The following HCLS1 variants were observed in gnomAD, a reference collection of about 807,000 sequenced individuals.
The protein encoded by HCLS1 is hematopoietic cell-specific Lyn substrate 1.
A neutral mutation model predicts 68.6 loss-of-function variants in HCLS1; 44 were observed. The observed-to-expected ratio is 0.64, with a 90% CI of 0.50 to 0.82. The LOEUF is 0.82. HCLS1 is among the 40% of genes least tolerant of loss of function. The pLI is 0.00. For missense variants in HCLS1, 602 were observed against 612.1 expected, an observed-to-expected ratio of 0.98 and a Z score of 0.17; for synonymous variants, 217 against 225.8, an observed-to-expected ratio of 0.96 and a Z score of 0.35.
intron 6 of HCLS1, 83 bp downstream of exon 6, chr3:121,642,844 A>T (rs2049213332): frequency 3.7e-6 from 4 of 1,069,734 alleles, no homozygotes; most frequent in Admixed American, 1.7e-5. Context: ...TAAAAAGCTG[A>T]TGACAACTGC....
chr3:121,632,616 A>G (rs1027499011), intron 11 of HCLS1, 53 bp from the exon 12 acceptor site: 13 of 1,532,676 alleles, frequency 8.5e-6, no homozygotes, highest in East Asian at 6.7e-5. Flanking sequence ...GGAGGAATCA[A>G]TGGAGGACTG....
chr3:121,634,517 G>A, intron 9 of HCLS1, 99 bp from the exon 10 acceptor site: 1 of 1,130,078 alleles, frequency 8.8e-7, no homozygotes, highest in South Asian at 1.3e-5. Flanking sequence ...AAATATCCGG[G>A]AGGAGGGATT....
intron 9 of HCLS1, among the ~76,000 whole-genome samples, chr3:121,635,289 C>T (rs2049140618): frequency 6.8e-6 from 1 of 147,370 alleles, no homozygotes; most frequent in South Asian, 2.2e-4. Flanking sequence ...TCTCTCCTCT[C>T]TCTCTCTTTC....
chr3:121,644,736 C>G (rs1009991471), intron 5 of HCLS1, 82 bp downstream of exon 5: 2 of 931,530 alleles, frequency 2.1e-6, no homozygotes, highest in Non-Finnish European at 3.6e-6. Flanking sequence ...AACAAAGAAG[C>G]ATGTGCCTCC....
intron 3 of HCLS1, chr3:121,656,977 C>A: frequency 3.6e-6 from 1 of 281,050 alleles, no homozygotes; most frequent in Non-Finnish European, 6.7e-6. Flanking sequence ...ATGAATCTCT[C>A]ATGCCTTACT....
chr3:121,633,071 G>A lies in HCLS1; in HGVS notation c.1004C>T (p.Pro335Leu), dbSNP rs150723074. 356 of 1,604,734 alleles carry A rather than the reference G, an allele frequency of 2.2e-4. No homozygotes were observed. In the African/African-American group the frequency reaches 3.5e-3, roughly 16 times the overall value. ...VPLLPIRQTL[P>L]EDNEEPPALP... ...AATCTTTGGGGGTTTGCTTACCTCCGGGAGAGTCTGCCTAATGGGCAGCAA... is the reference window on the plus strand; with the variant it reads ...AATCTTTGGGGGTTTGCTTACCTCCAGGAGAGTCTGCCTAATGGGCAGCAA... The change falls in exon 11 of 14, where the codon CCG becomes CTG. Residue 335 changes from proline (P) to leucine (L), a missense_variant. By Grantham distance (98) the Pro-to-Leu change is moderately conservative. Coordinates refer to ENST00000314583, the MANE Select transcript of HCLS1 (RefSeq NM_005335.6).
At position 121,652,988 on chromosome 3, in the gene HCLS1, C is replaced by T. The variant is rs183802688; in HGVS notation, c.158+4291G>A. Among the ~76,000 whole-genome samples the T allele has an allele frequency of 5.3e-5, 8 of 152,298 alleles. No homozygotes were observed. The East Asian group carries it at 1.5e-3, about 29-fold the overall frequency. ...ATTCAAATTACTACAGGTTGACTAT[C>T]CCTCATCCCAAACGCTTGGGACCAG... On this transcript the variant is annotated intron_variant, in intron 3 of 13. Transcript: ENST00000314583.
intron 6 of HCLS1, among the ~76,000 whole-genome samples, chr3:121,639,908 AAAGAT>A (rs1410585945): frequency 6.6e-6 from 1 of 152,226 alleles, no homozygotes; most frequent in Non-Finnish European, 1.5e-5. Flanking sequence ...AAAACATAAT[AAAGAT>A]AAGAGCAGAA....
At chr3:121,645,409 G>A (rs928824680) in intron 4 of HCLS1, among the ~76,000 whole-genome samples, 6 of 152,050 alleles carry the variant, frequency 3.9e-5, no homozygotes, top group African/African-American at 1.2e-4. Context: ...AGTGAACTCT[G>A]AGCTTTATAC....
intron 1 of HCLS1, among the ~76,000 whole-genome samples, chr3:121,660,268 G>A (rs1327476986): frequency 2.0e-5 from 3 of 152,198 alleles, no homozygotes; most frequent in South Asian, 2.1e-4. Flanking sequence ...AGGGGTTAAC[G>A]TAGCTCATCT....
rs1128158 is a variant in HCLS1, at chr3:121,631,746, C to A, written c.*100G>T. The stretch of plus-strand genomic sequence containing the variant: ...GCAGGAGAGGGAAGTCTGTCCAGAA[C>A]CTCATCTGGTTAGACATTTGCAGCA... On this transcript the variant is annotated 3_prime_UTR_variant, in exon 14 of 14. Coordinates refer to ENST00000314583, the MANE Select transcript of HCLS1 (RefSeq NM_005335.6). 0.24 allele frequency: 315,445 copies of A among 1,334,070 alleles called. 38,655 individuals carry two copies. Among genetic ancestry groups the A allele is most frequent in the East Asian group, 0.36 (15,092 of 42,490 alleles). 82.6% of individuals were successfully genotyped at this position (1,334,070 alleles called of 1,614,324 possible).
Position 121,632,338 on chromosome 3 carries a change from G to C in HCLS1, c.1234C>G (p.Leu412Val), listed in dbSNP as rs1002554080. The change falls in exon 12 of 14, where the codon CTG becomes GTG. Residue 412 changes from leucine (L) to valine (V), a missense_variant. Physicochemically the swap from Leu to Val is conservative, Grantham distance 32. Transcript: ENST00000314583. ...EPEDSSFSSA[L>V]AGSSGCPAGA... is the part of the protein sequence containing the mutation. ...TTCTCCTCCCATCACTCACCAGCCAGAGCAGAAGAAAAAGAAGAATCTTCA... is the reference window on the plus strand; with the variant it reads ...TTCTCCTCCCATCACTCACCAGCCACAGCAGAAGAAAAAGAAGAATCTTCA... The C allele has an allele frequency of 6.2e-6, 10 of 1,613,910 alleles. No individual in the cohort carries two copies. In the African/African-American group the frequency reaches 1.1e-4, roughly 17 times the overall value.
chr3:121,634,281 C>G lies in HCLS1; in HGVS notation c.829G>C (p.Glu277Gln). 1.2e-6 allele frequency: 2 copies of G among 1,614,148 alleles called. No homozygotes were observed. Among genetic ancestry groups the G allele is most frequent in the African/African-American group, 2.7e-5 (2 of 75,050 alleles). ...ERKAVTKRSP[E>Q]APQPVIAMEE... is the part of the protein sequence containing the mutation. ...ATAGCTATCACTGGCTGTGGAGCCTCAGGGCTCCTCTTTGTCACAGCCTTT... is the reference window on the plus strand; with the variant it reads ...ATAGCTATCACTGGCTGTGGAGCCTGAGGGCTCCTCTTTGTCACAGCCTTT... The change falls in exon 10 of 14, where the codon GAG becomes CAG. Residue 277 changes from glutamate to glutamine, a missense_variant. Physicochemically the swap from Glu to Gln is conservative, Grantham distance 29 (BLOSUM62 2). Transcript: ENST00000314583.
chr3:121,638,735 T>A (rs185429250), intron 6 of HCLS1, among the ~76,000 whole-genome samples: 1 of 152,220 alleles, frequency 6.6e-6, no homozygotes, highest in African/African-American at 2.4e-5. Flanking sequence ...AAAGATGGCA[T>A]GAATATGAGA....
chr3:121,649,602 G>C (rs752233386), intron 3 of HCLS1, among the ~76,000 whole-genome samples: 1 of 152,112 alleles, frequency 6.6e-6, no homozygotes, highest in Admixed American at 6.5e-5. Flanking sequence ...TAAGTGTGAG[G>C]TACTGTTAGG....
At chr3:121,638,360 G>A in intron 6 of HCLS1, among the ~76,000 whole-genome samples, 1 of 152,146 alleles carries the variant, frequency 6.6e-6, no homozygotes, top group East Asian at 1.9e-4. Context: ...ACCACACCTG[G>A]TCAGATTTTA....
chr3:121,633,089 G>C lies in HCLS1; in HGVS notation c.986C>G (p.Pro329Arg). The change falls in exon 11 of 14, where the codon CCC (proline) becomes CGC (arginine). Residue 329 changes from proline (P) to arginine (R), a missense_variant. Transcript: ENST00000314583. The stretch of plus-strand genomic sequence containing the variant: ...TACCTCCGGGAGAGTCTGCCTAATG[G>C]GCAGCAAGGGCACTGGGTGTTCCCT... ...TSREHPVPLL[P>R]IRQTLPEDNE... 6.2e-7 allele frequency: 1 copy of C among 1,612,388 alleles called. No homozygotes were observed. The highest frequency in any genetic ancestry group is 2.2e-5 in the East Asian group (1 of 44,858).
At chr3:121,635,136 T>C (rs1344649994) in intron 9 of HCLS1, among the ~76,000 whole-genome samples, 3 of 152,084 alleles carry the variant, frequency 2.0e-5, no homozygotes, top group African/African-American at 7.2e-5. Context: ...CACTGTGTTC[T>C]CTGCCTCCGA....
chr3:121,633,085 A>C lies in HCLS1; in HGVS notation c.990T>G (p.Ile330Met), dbSNP rs759407542. Reference sequence around the variant, plus strand: ...TGCTTACCTCCGGGAGAGTCTGCCTAATGGGCAGCAAGGGCACTGGGTGTT... The same window carrying C: ...TGCTTACCTCCGGGAGAGTCTGCCTCATGGGCAGCAAGGGCACTGGGTGTT... ...SREHPVPLLP[I>M]RQTLPEDNEE... is the part of the protein sequence containing the mutation. The change falls in exon 11 of 14, where the codon ATT (isoleucine) becomes ATG (methionine). Residue 330 changes from isoleucine (I) to methionine (M), a missense_variant. Ile to Met is a conservative substitution (Grantham distance 10). Coordinates refer to ENST00000314583, the MANE Select transcript of HCLS1 (RefSeq NM_005335.6). The C allele has an allele frequency of 6.2e-7, 1 of 1,611,856 alleles. No individual in the cohort carries two copies. The highest frequency in any genetic ancestry group is 2.2e-5 in the East Asian group (1 of 44,866).
Sources: gnomAD v4.1 joint callset for allele counts (sites outside exome capture counted in the v4.1 genomes callset) on GRCh38, gnomAD v4.1.1 for gene constraint, MANE v1.5 for transcripts, NCBI Gene and HGNC (gene_info 2026-07-23, HGNC 2026-07-21) for gene names.